ASTN2: variants seen among roughly 807,000 people sequenced by gnomAD.
ASTN2 encodes astrotactin 2.
A neutral mutation model predicts 139.8 loss-of-function variants in ASTN2; 54 were observed. The ratio of observed to expected loss-of-function variants is 0.39; its 90% CI spans 0.31 to 0.48. The LOEUF (loss-of-function observed/expected upper bound fraction) is 0.48. ASTN2 is among the 20% of genes least tolerant of loss of function. The pLI is 0.95. For synonymous variants in ASTN2, 756 were observed against 719.5 expected (o/e 1.05, Z -0.81); for missense variants, 1,565 against 1,725.1 (o/e 0.91, Z 1.64).
intron 4 of ASTN2, among the ~76,000 whole-genome samples, chr9:117,113,947 T>G (rs555216157): frequency 5.9e-5 from 9 of 152,270 alleles, no homozygotes; most frequent in African/African-American, 2.2e-4. Flanking sequence ...CTTTCAAAAC[T>G]CATTGAATTG....
At chr9:117,356,170 A>T (rs975848871) in intron 1 of ASTN2, among the ~76,000 whole-genome samples, 2 of 152,230 alleles carry the variant, frequency 1.3e-5, no homozygotes, top group African/African-American at 4.8e-5. Context: ...AGCCAAGATG[A>T]GAATGCCAAG....
intron 16 of ASTN2, chr9:116,697,804 C>T: frequency 6.2e-7 from 1 of 1,614,130 alleles, no homozygotes; most frequent in Non-Finnish European, 8.5e-7. Context: ...CTAGAATGCC[C>T]CATCTGCATG....
intron 12 of ASTN2, among the ~76,000 whole-genome samples, chr9:116,817,122 A>G (rs940247356): frequency 6.6e-6 from 1 of 151,870 alleles, no homozygotes; most frequent in Non-Finnish European, 1.5e-5. Flanking sequence ...CTGAAACCCC[A>G]TCTCTACTAA....
In ASTN2 at chr9:117,363,770, G is replaced by A. The variant is rs1013196279; in HGVS notation, c.442+50727C>T. Among the ~76,000 whole-genome samples the A allele has an allele frequency of 5.3e-5, 8 of 152,236 alleles. No homozygotes were observed. In the East Asian group the frequency reaches 1.4e-3, roughly 26 times the overall value. On this transcript the variant is annotated intron_variant, in intron 1 of 22. Coordinates refer to ENST00000313400, the MANE Select transcript of ASTN2 (RefSeq NM_001365068.1). ...GCCCAGGACATGATGTAGAGAGGTGGGACAGGTAAGTTGAACCTTGGCATT... is the reference window on the plus strand; with the variant it reads ...GCCCAGGACATGATGTAGAGAGGTGAGACAGGTAAGTTGAACCTTGGCATT...
rs997153569 is a variant in ASTN2, at chr9:117,297,626, T to A, written c.443-6113A>T. ...AAACTAATGATGAGCAACGAAGTAC[T>A]CCCACATTGATAACAGCAAGGAATT... is the stretch of plus-strand genomic sequence containing the variant. On this transcript the variant is annotated intron_variant, in intron 1 of 22. Coordinates refer to ENST00000313400, the MANE Select transcript of ASTN2 (RefSeq NM_001365068.1). Among the ~76,000 whole-genome samples the A allele has an allele frequency of 2.0e-5, 3 of 152,154 alleles. 1 individual carries two copies.
At chr9:117,189,494 C>G (rs1366822366) in intron 3 of ASTN2, among the ~76,000 whole-genome samples, 1 of 152,184 alleles carries the variant, frequency 6.6e-6, no homozygotes, top group Non-Finnish European at 1.5e-5. Context: ...TCAGATACCT[C>G]TCTCCCCTCC....
At chr9:117,355,115 G>A (rs995620452) in intron 1 of ASTN2, among the ~76,000 whole-genome samples, 3 of 151,970 alleles carry the variant, frequency 2.0e-5, no homozygotes, top group Non-Finnish European at 4.4e-5. Flanking sequence ...CAGGGTGGGT[G>A]CTTAATAATT....
In ASTN2 at chr9:116,491,758, A is replaced by G. The variant is rs375139729; in HGVS notation, c.3356-4258T>C. Among the ~76,000 whole-genome samples the G allele has an allele frequency of 1.1e-4, 17 of 152,334 alleles. No homozygotes were observed. The South Asian group carries it at 3.5e-3, about 32-fold the overall frequency. On this transcript the variant is annotated intron_variant, in intron 19 of 22. Transcript: ENST00000313400. ...CTTCTCTATGCACAAATGAAAATCAATGCAATTCAACACATGTATTTTAGT... is the reference window on the plus strand; with the variant it reads ...CTTCTCTATGCACAAATGAAAATCAGTGCAATTCAACACATGTATTTTAGT...
intron 11 of ASTN2, among the ~76,000 whole-genome samples, chr9:116,850,404 C>A (rs1188994186): frequency 6.6e-6 from 1 of 152,192 alleles, no homozygotes; most frequent in Non-Finnish European, 1.5e-5. Flanking sequence ...CAGCAGGAAT[C>A]TGTGTGCTGG....
chr9:117,060,502 AAAGAAAGAAAGG>A (rs1254488980), intron 5 of ASTN2, among the ~76,000 whole-genome samples: 2 of 72,298 alleles, frequency 2.8e-5, no homozygotes, highest in Admixed American at 1.4e-4. Flanking sequence ...AGAAAGAAAG[AAAGAAAGAAAGG>A]AAGGAAGGAA....
chr9:116,496,839 A>C (rs1849684117), intron 19 of ASTN2, among the ~76,000 whole-genome samples: 1 of 152,206 alleles, frequency 6.6e-6, no homozygotes, highest in Non-Finnish European at 1.5e-5. Context: ...ACTGTCCTTT[A>C]TAAAACCATC....
At chr9:116,509,885 C>A (rs186584993) in intron 19 of ASTN2, among the ~76,000 whole-genome samples, 152 of 152,116 alleles carry the variant, frequency 1.0e-3, no homozygotes, top group African/African-American at 3.5e-3. Flanking sequence ...TGTTTGAGTT[C>A]GTTGTAGATT....
At chr9:116,692,349 A>G (rs943629376) in intron 16 of ASTN2, among the ~76,000 whole-genome samples, 1 of 152,168 alleles carries the variant, frequency 6.6e-6, no homozygotes, top group Non-Finnish European at 1.5e-5. Flanking sequence ...GTGCCTATTC[A>G]TTTCTTCTAA....
At chr9:117,238,243 T>C (rs1833104019) in intron 2 of ASTN2, among the ~76,000 whole-genome samples, 1 of 152,130 alleles carries the variant, frequency 6.6e-6, no homozygotes, top group South Asian at 2.1e-4. Flanking sequence ...TTTAGGTCCT[T>C]TGGTTTAGCC....
At position 116,424,972 on chromosome 9, in the gene ASTN2, T is replaced by C. The variant is rs1392326133; in HGVS notation, c.*879A>G. Among the ~76,000 whole-genome samples, 2 of 152,086 alleles carry C rather than the reference T, an allele frequency of 1.3e-5. No individual in the cohort carries two copies. The highest frequency in any genetic ancestry group is 2.9e-5 in the Non-Finnish European group (2 of 68,026). On this transcript the variant is annotated 3_prime_UTR_variant, in exon 23 of 23. Transcript: ENST00000313400. ...TAGGTATCACTTTTTCAAGGAAGCA[T>C]TTCAGGAGCCCTCCAGTGTGTCTCA...
chr9:117,333,628 G>A (rs112991998), intron 1 of ASTN2, among the ~76,000 whole-genome samples: 6,731 of 152,154 alleles, frequency 0.044, 212 homozygotes, highest in South Asian at 0.097. Flanking sequence ...AAGAGAGTTT[G>A]GAAGCCACCG....
At chr9:116,475,305 T>C (rs1359218571) in intron 20 of ASTN2, among the ~76,000 whole-genome samples, 1 of 152,170 alleles carries the variant, frequency 6.6e-6, no homozygotes, top group African/African-American at 2.4e-5. Flanking sequence ...CTCCTCCCTA[T>C]TATCAAGCAT....
chr9:116,809,640 G>A (rs927566619), intron 12 of ASTN2, among the ~76,000 whole-genome samples: 1 of 152,136 alleles, frequency 6.6e-6, no homozygotes, highest in African/African-American at 2.4e-5. Context: ...GGAATTTTGG[G>A]TGGCATTGCT....
chr9:116,633,393 G>C (rs1388121891), intron 17 of ASTN2, among the ~76,000 whole-genome samples: 2 of 152,180 alleles, frequency 1.3e-5, no homozygotes, highest in Non-Finnish European at 2.9e-5. Flanking sequence ...AGTCCTGGAA[G>C]GGGAAACCTG....
Sources: allele counts gnomAD v4.1 joint callset (sites outside exome capture counted in the v4.1 genomes callset), GRCh38; gene constraint gnomAD v4.1.1; transcripts MANE v1.5; gene names NCBI Gene and HGNC (gene_info 2026-07-23, HGNC 2026-07-21).